Variants in PLEKHG4B observed in about 807,000 individuals in gnomAD.
PLEKHG4B encodes pleckstrin homology domain-containing family G member 4B.
PLEKHG4B carries 111 observed loss-of-function variants against 121.3 expected under a neutral mutation model. The observed-to-expected ratio is 0.92, with a 90% CI of 0.78 to 1.07. The LOEUF is 1.07. Ranked by LOEUF, PLEKHG4B falls within the 50% of genes least tolerant of loss-of-function variation. The pLI, the probability that PLEKHG4B is intolerant of heterozygous loss-of-function variation, is 0.00. For synonymous variants in PLEKHG4B, 738 were observed against 725.0 expected, an observed-to-expected ratio of 1.02 and a Z score of -0.29; for missense variants, 1,831 against 1,757.8, an observed-to-expected ratio of 1.04 and a Z score of -0.74.
intron 2 of PLEKHG4B, among the ~76,000 whole-genome samples, chr5:135,157 C>T (rs1459513435): frequency 7.5e-6 from 1 of 133,766 alleles, no homozygotes; most frequent in African/African-American, 3.0e-5. Context: ...CACTGCACTC[C>T]AGCCTGGGTG....
At chr5:149,073 A>G (rs561050037) in intron 6 of PLEKHG4B, among the ~76,000 whole-genome samples, 1 of 152,356 alleles carries the variant, frequency 6.6e-6, no homozygotes, top group Admixed American at 6.5e-5. Flanking sequence ...ATTAACTCAA[A>G]TGGATCAAAA....
intron 1 of PLEKHG4B, among the ~76,000 whole-genome samples, chr5:100,406 G>A (rs1188333288): frequency 2.0e-5 from 3 of 149,380 alleles, no homozygotes; most frequent in Non-Finnish European, 3.0e-5. Flanking sequence ...AGCCTGTAGG[G>A]GAGAGACTGT....
At chr5:99,404 C>A (rs1733736366) in intron 1 of PLEKHG4B, among the ~76,000 whole-genome samples, 1 of 151,546 alleles carries the variant, frequency 6.6e-6, no homozygotes. Context: ...CTTGTGTTTT[C>A]TTTAATTTCT....
intron 5 of PLEKHG4B, among the ~76,000 whole-genome samples, chr5:143,922 G>A (rs1735315717): frequency 6.6e-6 from 1 of 151,662 alleles, no homozygotes; most frequent in Non-Finnish European, 1.5e-5. Context: ...AGCTAAAGAA[G>A]TTTCTCAAAG....
rs200728532 is a variant in PLEKHG4B, at chr5:164,652, C to CG, written c.3476+1107dup. Among the ~76,000 whole-genome samples the CG allele has an allele frequency of 4.8e-4, 50 of 104,240 alleles. 3 individuals are homozygous for CG. The highest frequency in any genetic ancestry group is 6.6e-3 in the Middle Eastern group (1 of 152). 68.4% of individuals were successfully genotyped at this position (104,240 alleles called of 152,430 possible). ...AGCGGAGCTCACACTAATGCTCTGACGGGCGGAGCTCACACTAATACTCTG... is the reference window on the plus strand; with the variant it reads ...AGCGGAGCTCACACTAATGCTCTGACGGGGCGGAGCTCACACTAATACTCTG... On this transcript the variant is annotated intron_variant, in intron 13 of 19. Coordinates refer to ENST00000637938, the MANE Select transcript of PLEKHG4B (RefSeq NM_052909.5).
rs751814338 is a variant in PLEKHG4B at position 161,926 on chromosome 5, G to A, written c.2631G>A (p.Ser877=). The A allele has an allele frequency of 3.2e-5, 51 of 1,612,010 alleles. No homozygotes were observed. The highest frequency in any genetic ancestry group is 9.9e-5 in the South Asian group (9 of 91,018). Residue 877 remains serine, a synonymous_variant, in exon 12 of 20, where the codon TCG becomes TCA. Transcript: ENST00000637938. Reference sequence around the variant, plus strand: ...GAGAGCTGGCCAGGTGGACCCGCTCGTCCGAGTTGTGCGAGACGGTAAGAG... The same window carrying A: ...GAGAGCTGGCCAGGTGGACCCGCTCATCCGAGTTGTGCGAGACGGTAAGAG... ...REGELARWTR[S]SELCETVSSW...
In PLEKHG4B at chr5:162,857, A is replaced by G. The variant is rs1460808206; in HGVS notation, c.2785A>G (p.Lys929Glu). The change falls in exon 13 of 20, where the codon AAG (lysine) becomes GAG (glutamate). Residue 929 changes from lysine (K) to glutamate (E), a missense_variant. Lys to Glu is a moderately conservative substitution (Grantham distance 56, BLOSUM62 1). Transcript: ENST00000637938. The part of the protein sequence containing the change: ...AFPGAGVAVL[K>E]PHALGKPWAS... ...CCCCGGGGCAGGTGTGGCAGTGCTGAAGCCTCATGCCCTGGGGAAACCGTG... is the reference window on the plus strand; with the variant it reads ...CCCCGGGGCAGGTGTGGCAGTGCTGGAGCCTCATGCCCTGGGGAAACCGTG... 6.6e-7 allele frequency: 1 copy of G among 1,518,284 alleles called. No homozygotes were observed. 94.1% of individuals were successfully genotyped at this position (1,518,284 alleles called of 1,614,324 possible). A position where few individuals can be genotyped will look rare whatever the true frequency, so the allele number is the denominator to read the frequency against.
rs377464175 is a variant in PLEKHG4B, at chr5:173,981, C to A, written c.4285C>A (p.Arg1429Ser). The A allele has an allele frequency of 6.8e-6, 11 of 1,612,174 alleles. No homozygotes were observed. The highest frequency in any genetic ancestry group is 7.6e-6 in the Non-Finnish European group (9 of 1,179,476). ...DSGLRFEIWF[R>S]RRRKSQDTYI... ...TGGCTTGAGGTTTGAGATTTGGTTT[C>A]GCAGGCGGCGGAAATCTCAGGACAC... Residue 1429 changes from arginine to serine, a missense_variant, in exon 18 of 20, where the codon CGC (arginine) becomes AGC (serine). Coordinates refer to ENST00000637938, the MANE Select transcript of PLEKHG4B (RefSeq NM_052909.5).
chr5:133,921 C>T (rs562161262), intron 2 of PLEKHG4B, among the ~76,000 whole-genome samples: 3 of 144,124 alleles, frequency 2.1e-5, no homozygotes, highest in Admixed American at 6.9e-5. Context: ...GTGACACACA[C>T]GCACACACAC....
chr5:163,457 G>A lies in PLEKHG4B; in HGVS notation c.3385G>A (p.Ala1129Thr), dbSNP rs777841273. 1.2e-6 allele frequency: 2 copies of A among 1,612,900 alleles called. No individual in the cohort carries two copies. Among genetic ancestry groups the A allele is most frequent in the Non-Finnish European group, 1.7e-6 (2 of 1,180,028 alleles). ...TEKKLPLWQH[A>T]RSPPVTQSRS... ...GAAGAAGCTCCCGCTGTGGCAGCAT[G>A]CCAGGAGCCCCCCGGTCACTCAGAG... is the stretch of plus-strand genomic sequence containing the variant. The change falls in exon 13 of 20, where the codon GCC becomes ACC. Residue 1129 changes from alanine to threonine, a missense_variant. Ala to Thr is a moderately conservative substitution (Grantham distance 58). Transcript: ENST00000637938.
rs373152973 is a variant in PLEKHG4B at position 140,607 on chromosome 5, C to T, written c.1368C>T (p.His456=). 2 of 1,610,860 alleles carry T rather than the reference C, an allele frequency of 1.2e-6. No individual in the cohort carries two copies. The highest frequency in any genetic ancestry group is 1.7e-6 in the Non-Finnish European group (2 of 1,178,960). The change falls in exon 3 of 20, where the codon CAC becomes CAT. Residue 456 remains histidine, a synonymous_variant. Transcript: ENST00000637938. ...SSRGAQAAAC[H]TSHHSAGSRP... ...GAGGGGCCCAGGCTGCAGCCTGCCA[C>T]ACCTCCCACCACTCAGCAGGCTCCA...
rs754520403 is a variant in PLEKHG4B at position 161,873 on chromosome 5, G to A, written c.2578G>A (p.Val860Met). ...VQDFRRGLSAVVSQAECREGE... is the reference protein window; with the variant it reads ...VQDFRRGLSAMVSQAECREGE... ...GGATTTCAGAAGGGGCCTGAGCGCC[G>A]TGGTCAGCCAGGCTGAGTGCAGGGA... The change falls in exon 12 of 20, where the codon GTG becomes ATG. Residue 860 changes from valine (V) to methionine (M), a missense_variant. Coordinates refer to ENST00000637938, the MANE Select transcript of PLEKHG4B (RefSeq NM_052909.5). The A allele has an allele frequency of 3.1e-5, 50 of 1,613,660 alleles. 1 individual carries two copies. The South Asian group carries it at 3.7e-4, about 12-fold the overall frequency.
intron 1 of PLEKHG4B, among the ~76,000 whole-genome samples, chr5:109,150 G>T (rs1734061709): frequency 6.6e-6 from 1 of 152,130 alleles, no homozygotes; most frequent in Admixed American, 6.5e-5. Context: ...GCCCACGGAT[G>T]TCTTGCTTTT....
intron 1 of PLEKHG4B, among the ~76,000 whole-genome samples, chr5:101,434 C>G (rs1733808033): frequency 8.2e-6 from 1 of 122,138 alleles, no homozygotes; most frequent in Admixed American, 7.7e-5. Flanking sequence ...TGAGGTAAAT[C>G]CATATAAAGC....
chr5:127,778 A>T (rs1489593977), intron 2 of PLEKHG4B, among the ~76,000 whole-genome samples: 1 of 152,226 alleles, frequency 6.6e-6, no homozygotes, highest in African/African-American at 2.4e-5. Flanking sequence ...TGAGCCAAAC[A>T]TGAGTGACTA....
intron 13 of PLEKHG4B, 86 bp from the exon 14 acceptor site, chr5:169,254 C>T: frequency 6.5e-7 from 1 of 1,550,122 alleles, no homozygotes; most frequent in Non-Finnish European, 8.7e-7. Flanking sequence ...TCCGGGTTTT[C>T]ATGTGTTTCT....
rs751683793 is a variant in PLEKHG4B at position 174,006 on chromosome 5, C to A, written c.4310C>A (p.Thr1437Asn). 2 of 1,610,490 alleles carry A rather than the reference C, an allele frequency of 1.2e-6. No individual in the cohort carries two copies. The highest frequency in any genetic ancestry group is 1.7e-6 in the Non-Finnish European group (2 of 1,178,842). Reference sequence around the variant, plus strand: ...CGCAGGCGGCGGAAATCTCAGGACACCTACATTCTCCAAGCAAGCTCGGCA... The same window carrying A: ...CGCAGGCGGCGGAAATCTCAGGACAACTACATTCTCCAAGCAAGCTCGGCA... ...WFRRRRKSQD[T>N]YILQASSAEV... The change falls in exon 18 of 20, where the codon ACC becomes AAC. Residue 1437 changes from threonine (T) to asparagine (N), a missense_variant. Physicochemically the swap from Thr to Asn is moderately conservative, Grantham distance 65. Transcript: ENST00000637938.
In PLEKHG4B at chr5:113,832, T is replaced by C. The variant is rs139769444; in HGVS notation, c.243+384T>C. ...AGCTAAGTTACTGCAGCAGTAACAA[T>C]GAAGGCCCACCTGGAAGGGATAGTA... On this transcript the variant is annotated intron_variant, in intron 2 of 19. Coordinates refer to ENST00000637938, the MANE Select transcript of PLEKHG4B (RefSeq NM_052909.5). The surrounding 1 kb of genome is among the most constrained non-coding windows in gnomAD (Gnocchi z 5.2). 3.0e-3 allele frequency among the ~76,000 whole-genome samples: 453 copies of C among 151,984 alleles called. 2 individuals carry two copies. Among genetic ancestry groups the C allele is most frequent in the African/African-American group, 0.011 (437 of 41,454 alleles).
In PLEKHG4B at chr5:187,222, T is replaced by G. The variant is rs1733654557; in HGVS notation, c.*4899T>G. ...CCAGACACAACCGGGCAGGTACAGA[T>G]GTCATCCCCTTGAGGACAGCAGGGA... is the stretch of plus-strand genomic sequence containing the variant. On this transcript the variant is annotated 3_prime_UTR_variant, in exon 20 of 20. Transcript: ENST00000637938. The G allele has an allele frequency of 6.6e-6, 1 of 152,354 alleles. No homozygotes were observed. The highest frequency in any genetic ancestry group is 2.4e-5 in the African/African-American group (1 of 41,440). The allele number at this position is 152,354 out of a possible 1,614,324, so 9.4% of individuals were successfully genotyped here.
Sources: allele counts gnomAD v4.1 joint callset (sites outside exome capture counted in the v4.1 genomes callset), GRCh38; gene constraint gnomAD v4.1.1; non-coding constraint Gnocchi (gnomAD v3.1); transcripts MANE v1.5; gene names NCBI Gene and HGNC (gene_info 2026-07-23, HGNC 2026-07-21).